The following FOSL1 variants were observed in gnomAD, a reference collection of about 807,000 sequenced individuals.
FOSL1 encodes the protein fos-related antigen 1.
In FOSL1, 14 loss-of-function variants were observed where a neutral mutation model predicts 24.9. The ratio of observed to expected loss-of-function variants is 0.56; its 90% CI spans 0.37 to 0.88. FOSL1 has a LOEUF of 0.88. FOSL1 is among the 40% of genes least tolerant of loss of function. FOSL1 has a pLI of 0.00. For missense variants in FOSL1, 318 were observed against 359.8 expected (o/e 0.88, Z 0.94); for synonymous variants, 133 against 145.1 (o/e 0.92, Z 0.60).
intron 2 of FOSL1, among the ~76,000 whole-genome samples, chr11:65,895,912 C>T (rs1370253829): frequency 6.6e-6 from 1 of 152,266 alleles, no homozygotes; most frequent in Non-Finnish European, 1.5e-5. Flanking sequence ...CCATCTCTTA[C>T]TCACTTATTT....
upstream of FOSL1, chr11:65,900,395 G>A (rs1860647034): frequency 2.2e-5 from 21 of 963,188 alleles, no homozygotes; most frequent in Non-Finnish European, 2.8e-5. Flanking sequence ...ACTCACCCGC[G>A]CCGTGCGGAG....
intron 1 of FOSL1, among the ~76,000 whole-genome samples, chr11:65,898,892 C>T (rs1335135256): frequency 6.8e-6 from 1 of 147,590 alleles, no homozygotes; most frequent in Non-Finnish European, 1.5e-5. Flanking sequence ...GCCCAGGAGG[C>T]TGAGGCTGCA....
At chr11:65,894,364 C>T (rs557997837) in intron 2 of FOSL1, among the ~76,000 whole-genome samples, 3 of 152,176 alleles carry the variant, frequency 2.0e-5, no homozygotes, top group Non-Finnish European at 2.9e-5. Flanking sequence ...CCTCCCCCTC[C>T]GCAAACCCTA....
chr11:65,900,111 G>T (rs1055675991), intron 1 of FOSL1, 130 bp downstream of exon 1: 1 of 443,824 alleles, frequency 2.3e-6, no homozygotes, highest in African/African-American at 2.0e-5. Context: ...CGAGGGGCAG[G>T]ATCCTCGCCC....
At position 65,900,303 on chromosome 11, in the gene FOSL1, CG is replaced by C; in HGVS notation, c.36del (p.Asn14ThrfsTer31). On this transcript the variant is annotated frameshift_variant, in exon 1 of 4. Transcript: ENST00000312562. LOFTEE classifies it high-confidence loss of function. ...FRDFGEPGPS[S>X]GNGGGYGGPA... The stretch of plus-strand genomic sequence containing the variant: ...GGGCCGCCGTACCCGCCGCCGTTCC[CG>C]GAGCTCGGGCCGGGTTCCCCGAAGT... 1 of 1,244,760 alleles carries C rather than the reference CG, an allele frequency of 8.0e-7. No homozygotes were observed. The highest frequency in any genetic ancestry group is 1.0e-6 in the Non-Finnish European group (1 of 994,540). 77.1% of individuals were successfully genotyped at this position (1,244,760 alleles called of 1,614,324 possible). A position where few individuals can be genotyped will look rare whatever the true frequency, so the allele number is the denominator to read the frequency against.
Position 65,892,839 on chromosome 11 carries a change from G to A in FOSL1, c.*47C>T. ...AGCTGGACCGGTGGGGGAAGGGGAG[G>A]AGACATTGGCTAGGGTGGCATCTGC... On this transcript the variant is annotated 3_prime_UTR_variant, in exon 4 of 4. Transcript: ENST00000312562. 1 of 1,585,460 alleles carries A rather than the reference G, an allele frequency of 6.3e-7. No homozygotes were observed. Among genetic ancestry groups the A allele is most frequent in the Non-Finnish European group, 8.6e-7 (1 of 1,164,540 alleles).
intron 2 of FOSL1, among the ~76,000 whole-genome samples, chr11:65,895,441 C>T (rs188814278): frequency 1.7e-4 from 26 of 152,206 alleles, no homozygotes; most frequent in Admixed American, 4.6e-4. Context: ...AGATTCTTAA[C>T]GCAACTTTCC....
rs973032080 is a variant in FOSL1 at position 65,900,315 on chromosome 11, C to T, written c.25G>A (p.Gly9Ser). Residue 9 changes from glycine to serine, a missense_variant, in exon 1 of 4, where the codon GGC becomes AGC. Physicochemically the swap from Gly to Ser is moderately conservative, Grantham distance 56. Transcript: ENST00000312562. ...CCGCCGCCGTTCCCGGAGCTCGGGC[C>T]GGGTTCCCCGAAGTCTCGGAACATG... is the stretch of plus-strand genomic sequence containing the variant. Reference protein sequence around the residue: MFRDFGEPGPSSGNGGGYG... With the variant: MFRDFGEPSPSSGNGGGYG... 1 of 1,243,732 alleles carries T rather than the reference C, an allele frequency of 8.0e-7. No individual in the cohort carries two copies. Among genetic ancestry groups the T allele is most frequent in the Non-Finnish European group, 1.0e-6 (1 of 993,994 alleles). 77.0% of individuals were successfully genotyped at this position (1,243,732 alleles called of 1,614,324 possible). A position where few individuals can be genotyped will look rare whatever the true frequency, so the allele number is the denominator to read the frequency against.
chr11:65,895,847 C>T (rs186328149), intron 2 of FOSL1, among the ~76,000 whole-genome samples: 248 of 152,246 alleles, frequency 1.6e-3, no homozygotes, highest in African/African-American at 5.8e-3. Flanking sequence ...CCTGTAGTCT[C>T]CCACACCAAA....
rs778285117 is a variant in FOSL1, at chr11:65,893,307, T to C, written c.406-11A>G. ...CAGTTTGTCAGTCTCCTGTAGAAGA[T>C]CAGGAGAGGAGTCAGAAAGGTGAGG... On this transcript the variant is annotated splice_polypyrimidine_tract_variant and intron_variant, in intron 3 of 3. Transcript: ENST00000312562. 11 of 1,592,446 alleles carry C rather than the reference T, an allele frequency of 6.9e-6. No individual in the cohort carries two copies. Among genetic ancestry groups the C allele is most frequent in the Non-Finnish European group, 4.3e-6 (5 of 1,169,010 alleles).
chr11:65,895,675 AC>A (rs893413646), intron 2 of FOSL1, among the ~76,000 whole-genome samples: 2 of 152,084 alleles, frequency 1.3e-5, no homozygotes, highest in African/African-American at 4.8e-5. Flanking sequence ...AGGAGGGTTT[AC>A]CCCTGGCCCG....
chr11:65,897,715 C>T (rs2134802732), intron 1 of FOSL1, among the ~76,000 whole-genome samples: 1 of 152,212 alleles, frequency 6.6e-6, no homozygotes, highest in East Asian at 1.9e-4. Context: ...TGGGCTCTTA[C>T]CCACTCCTGC....
chr11:65,892,826 G>C lies in FOSL1; in HGVS notation c.*60C>G. On this transcript the variant is annotated 3_prime_UTR_variant, in exon 4 of 4. Coordinates refer to ENST00000312562, the MANE Select transcript of FOSL1 (RefSeq NM_005438.5). ...TACTGTCCAGGCCAGCTGGACCGGT[G>C]GGGGAAGGGGAGGAGACATTGGCTA... 2 of 1,541,832 alleles carry C rather than the reference G, an allele frequency of 1.3e-6. No individual in the cohort carries two copies. The highest frequency in any genetic ancestry group is 1.8e-6 in the Non-Finnish European group (2 of 1,130,556).
At chr11:65,898,640 A>G (rs535047087) in intron 1 of FOSL1, among the ~76,000 whole-genome samples, 3 of 152,302 alleles carry the variant, frequency 2.0e-5, no homozygotes, top group Admixed American at 6.5e-5. Flanking sequence ...ACCCTTTAAT[A>G]GCTCTGAAAT....
chr11:65,897,865 C>T (rs116320355), intron 1 of FOSL1, among the ~76,000 whole-genome samples: 177 of 149,514 alleles, frequency 1.2e-3, no homozygotes, highest in African/African-American at 4.2e-3. Flanking sequence ...AGTCACTGCT[C>T]TGGGTTCAGG....
Position 65,897,012 on chromosome 11 carries a change from G to C in FOSL1, c.100-6C>G, listed in dbSNP as rs749251321. The C allele has an allele frequency of 1.2e-6, 2 of 1,612,666 alleles. No individual in the cohort carries two copies. The highest frequency in any genetic ancestry group is 1.7e-6 in the Non-Finnish European group (2 of 1,178,698). On this transcript the variant is annotated splice_region_variant and splice_polypyrimidine_tract_variant and intron_variant, in intron 1 of 3. Transcript: ENST00000312562. ...CTTGGCACCAGGTGGAACTTCTAAG[G>C]AATAAGAAATGGAAGGCCACAGATG... is the stretch of plus-strand genomic sequence containing the variant.
chr11:65,896,420 A>G (rs975331644), intron 2 of FOSL1, among the ~76,000 whole-genome samples: 1 of 152,170 alleles, frequency 6.6e-6, no homozygotes, highest in South Asian at 2.1e-4. Flanking sequence ...CCCAGACAAC[A>G]TAAGCGCCCC....
chr11:65,896,531 C>T (rs1860530464), intron 2 of FOSL1, among the ~76,000 whole-genome samples: 1 of 152,160 alleles, frequency 6.6e-6, no homozygotes, highest in Non-Finnish European at 1.5e-5. Context: ...ACCCCCGCTA[C>T]CTGGAATGTC....
At chr11:65,898,043 C>T (rs142256925) in intron 1 of FOSL1, among the ~76,000 whole-genome samples, 6 of 79,654 alleles carry the variant, frequency 7.5e-5, no homozygotes, top group African/African-American at 2.2e-4. Context: ...TTTTTCTTTT[C>T]TGTTTTTTTT....
Sources: allele counts gnomAD v4.1 joint callset (sites outside exome capture counted in the v4.1 genomes callset), GRCh38; gene constraint gnomAD v4.1.1; transcripts MANE v1.5; gene names NCBI Gene and HGNC (gene_info 2026-07-23, HGNC 2026-07-21).